Variants in XDH observed in about 807,000 individuals in gnomAD.
XDH encodes xanthine dehydrogenase/oxidase.
In XDH, 138 loss-of-function variants were observed where a neutral mutation model predicts 156.1. The observed-to-expected ratio is 0.88, with a 90% CI of 0.77 to 1.02. The LOEUF (loss-of-function observed/expected upper bound fraction) is 1.02. XDH is among the 50% of genes least tolerant of loss of function. The pLI is 0.00. For synonymous variants in XDH, 669 were observed against 625.7 expected (o/e 1.07, Z -1.03); for missense variants, 1,849 against 1,684.9 (o/e 1.10, Z -1.71).
At chr2:31,364,525 G>A (rs144229593) in intron 23 of XDH, among the ~76,000 whole-genome samples, 144 of 152,126 alleles carry the variant, frequency 9.5e-4, no homozygotes, top group African/African-American at 3.3e-3. Context: ...TTCTGGTCTC[G>A]GAGGGGAGTA....
intron 6 of XDH, among the ~76,000 whole-genome samples, chr2:31,391,919 C>T (rs1049518028): frequency 6.6e-6 from 1 of 152,132 alleles, no homozygotes; most frequent in African/African-American, 2.4e-5. Context: ...TAGGATTTAC[C>T]AGTGAATCTA....
chr2:31,400,773 C>T (rs980919590), intron 4 of XDH, among the ~76,000 whole-genome samples: 1 of 152,128 alleles, frequency 6.6e-6, no homozygotes, highest in Non-Finnish European at 1.5e-5. Flanking sequence ...GTACTATCTG[C>T]GGGTGGGAGG....
Position 31,348,306 on chromosome 2 carries a change from T to TC in XDH, c.3108dup (p.Thr1037AspfsTer2). 6.2e-7 allele frequency: 1 copy of TC among 1,613,910 alleles called. No individual in the cohort carries two copies. The stretch of plus-strand genomic sequence containing the variant: ...GTATGAAGGCCTTGGCCCATCTCAG[T>TC]CCCCCCGTGGGTCAGCAGCACAGAG... On this transcript the variant is annotated frameshift_variant, in exon 28 of 36. Transcript: ENST00000379416. LOFTEE classifies it high-confidence loss of function.
Position 31,368,760 on chromosome 2 carries a change from C to A in XDH, c.1981-100G>T, listed in dbSNP as rs986787799. 2.5e-6 allele frequency: 4 copies of A among 1,603,726 alleles called. No homozygotes were observed. In the African/African-American group the frequency reaches 4.0e-5, roughly 16 times the overall value. On this transcript the variant is annotated intron_variant, in intron 18 of 35. Coordinates refer to ENST00000379416, the MANE Select transcript of XDH (RefSeq NM_000379.4). ...AAGCCAAAAGAAGTCCCTGCCCTCA[C>A]AATCAAAGCACACTTTAGGAATGCC...
intron 7 of XDH, 147 bp from the exon 8 acceptor site, chr2:31,388,044 G>C: frequency 9.0e-7 from 1 of 1,116,908 alleles, no homozygotes; most frequent in African/African-American, 1.5e-5. Context: ...AGGCAGGAAT[G>C]AGAGAGTCTC....
At position 31,365,586 on chromosome 2, in the gene XDH, C is replaced by T. The variant is rs542081368; in HGVS notation, c.2457-42G>A. On this transcript the variant is annotated intron_variant, in intron 22 of 35. Transcript: ENST00000379416. ...GTGTTAGAAGCCTGTGAGCCTTCAA[C>T]AGCAGCTCAGCCCTGCAAGTCTCAG... 4 of 1,607,690 alleles carry T rather than the reference C, an allele frequency of 2.5e-6. No individual in the cohort carries two copies. The South Asian group carries it at 3.3e-5, about 13-fold the overall frequency.
chr2:31,358,781 A>AAAAC (rs1160569574), intron 24 of XDH, among the ~76,000 whole-genome samples: 8 of 152,180 alleles, frequency 5.3e-5, no homozygotes, highest in African/African-American at 1.7e-4. Context: ...GTATCTACAA[A>AAAAC]AAACAAACAA....
intron 22 of XDH, among the ~76,000 whole-genome samples, chr2:31,365,754 G>T (rs1043840111): frequency 3.3e-5 from 5 of 152,214 alleles, no homozygotes; most frequent in African/African-American, 1.2e-4. Context: ...AGAGCTCACA[G>T]CCAGTAGGAG....
intron 9 of XDH, chr2:31,384,144 G>GTGTGTGTA: frequency 2.6e-6 from 1 of 391,422 alleles, no homozygotes; most frequent in South Asian, 2.2e-5. Flanking sequence ...GTGTGTGTGT[G>GTGTGTGTA]TGTGTGTGTG....
At chr2:31,372,143 C>A (rs1686089867) in intron 17 of XDH, 85 bp downstream of exon 17, 1 of 1,604,468 alleles carries the variant, frequency 6.2e-7, no homozygotes, top group Non-Finnish European at 8.5e-7. Flanking sequence ...ATCTCCATGG[C>A]CTAGCAGGGT....
In XDH at chr2:31,346,961, T is replaced by C. The variant is rs1331924724; in HGVS notation, c.3277-118A>G. 6 of 1,338,138 alleles carry C rather than the reference T, an allele frequency of 4.5e-6. No homozygotes were observed. The African/African-American group carries it at 8.7e-5, about 19-fold the overall frequency. The allele number at this position is 1,338,138 out of a possible 1,614,324, so 82.9% of individuals were successfully genotyped here. A position where few individuals can be genotyped will look rare whatever the true frequency, so the allele number is the denominator to read the frequency against. On this transcript the variant is annotated intron_variant, in intron 29 of 35. Transcript: ENST00000379416. ...AGCAATGCTGTACCCAGGGTGCCAC[T>C]CAAACAGCCTGGCCACCCACTCCAG... is the stretch of plus-strand genomic sequence containing the variant.
At chr2:31,414,340 T>C (rs1687418404) in intron 1 of XDH, among the ~76,000 whole-genome samples, 1 of 151,818 alleles carries the variant, frequency 6.6e-6, no homozygotes, top group Non-Finnish European at 1.5e-5. Flanking sequence ...TCTGTGCCAA[T>C]CTCCACTACT....
intron 13 of XDH, 42 bp downstream of exon 13, chr2:31,379,825 G>T (rs536187869): frequency 2.5e-6 from 4 of 1,582,464 alleles, no homozygotes; most frequent in South Asian, 1.1e-5. Context: ...CTGGCAATAG[G>T]ACTTATTTGA....
Position 31,344,432 on chromosome 2 carries a change from T to G in XDH, c.3404+252A>C, listed in dbSNP as rs207452. On this transcript the variant is annotated intron_variant, in intron 31 of 35. Coordinates refer to ENST00000379416, the MANE Select transcript of XDH (RefSeq NM_000379.4). ...GACCACTGACTTCCTCTGGTGAAAT[T>G]GTGCACCCTGAGACCAGAACTAGAA... Among the ~76,000 whole-genome samples, 146,576 of 152,320 alleles carry G rather than the reference T, an allele frequency of 0.96. 70,524 individuals carry two copies. Among genetic ancestry groups the G allele is most frequent in the East Asian group, 1 (5,184 of 5,184 alleles).
chr2:31,386,304 G>A (rs769474718), intron 9 of XDH, 110 bp downstream of exon 9: 2 of 1,453,126 alleles, frequency 1.4e-6, no homozygotes, highest in East Asian at 2.4e-5. Flanking sequence ...TGGGGCAGAG[G>A]GATAGGGTGC....
chr2:31,349,862 T>C (rs1392477744), intron 25 of XDH, 31 bp from the exon 26 acceptor site: 12 of 1,613,084 alleles, frequency 7.4e-6, no homozygotes, highest in Admixed American at 1.7e-5. Context: ...AGAGGCCTTG[T>C]TGGCGGCAAG....
At chr2:31,367,778 T>C (rs546957615) in intron 20 of XDH, among the ~76,000 whole-genome samples, 183 bp downstream of exon 20, 1 of 152,082 alleles carries the variant, frequency 6.6e-6, no homozygotes, top group Non-Finnish European at 1.5e-5. Context: ...AGAGTAGAGA[T>C]TAAGATAACT....
chr2:31,388,110 C>T lies in XDH; in HGVS notation c.564+117G>A, dbSNP rs570803238. 91 of 1,228,804 alleles carry T rather than the reference C, an allele frequency of 7.4e-5. 1 individual carries two copies. The South Asian group carries it at 8.5e-4, about 11-fold the overall frequency. 76.1% of individuals were successfully genotyped at this position (1,228,804 alleles called of 1,614,324 possible). A position where few individuals can be genotyped will look rare whatever the true frequency, so the allele number is the denominator to read the frequency against. On this transcript the variant is annotated intron_variant, in intron 7 of 35. Transcript: ENST00000379416. ...TCACCATCCCCACAGTCTGCCATCA[C>T]CGACTCACCGTAGGTTCCTCTTCCA...
rs745578153 is a variant in XDH at position 31,401,303 on chromosome 2, C to T, written c.223G>A (p.Ala75Thr). ...IVHFSANACL[A>T]PICSLHHVAV... is the part of the protein sequence containing the mutation. ...ACATGGTGCAAGGAGCAGATGGGGG[C>T]CAGGCAGGCATTGGCAGAAAAGTGG... Residue 75 changes from alanine (A) to threonine (T), a missense_variant, in exon 4 of 36, where the codon GCC becomes ACC. Coordinates refer to ENST00000379416, the MANE Select transcript of XDH (RefSeq NM_000379.4). 2 of 1,614,082 alleles carry T rather than the reference C, an allele frequency of 1.2e-6. No homozygotes were observed. Among genetic ancestry groups the T allele is most frequent in the Non-Finnish European group, 1.7e-6 (2 of 1,180,032 alleles).
Sources: allele counts gnomAD v4.1 joint callset (sites outside exome capture counted in the v4.1 genomes callset), GRCh38; gene constraint gnomAD v4.1.1; transcripts MANE v1.5; gene names NCBI Gene and HGNC (gene_info 2026-07-23, HGNC 2026-07-21).